SYNE2: variants seen among roughly 807,000 people sequenced by gnomAD.
SYNE2 encodes the protein nesprin-2.
SYNE2 carries 431 observed loss-of-function variants against 856.3 expected under a neutral mutation model. The ratio of observed to expected loss-of-function variants is 0.50; its 90% confidence interval spans 0.47 to 0.55. SYNE2 has a LOEUF of 0.55. Among genes scored for constraint, SYNE2 ranks in the 20% least tolerant of loss-of-function variants. The pLI, the probability that SYNE2 is intolerant of heterozygous loss-of-function variation, is 0.00. For synonymous variants in SYNE2, 2,923 were observed against 2,872.3 expected, an observed-to-expected ratio of 1.02 and a Z score of -0.56; for missense variants, 8,129 against 8,023.2, an observed-to-expected ratio of 1.01 and a Z score of -0.50.
At chr14:63,979,668 A>G (rs1207317982) in intron 14 of SYNE2, among the ~76,000 whole-genome samples, 1 of 152,208 alleles carries the variant, frequency 6.6e-6, no homozygotes. Context: ...ATCCCAACAC[A>G]TTGGGAGGCC....
At chr14:63,942,938 A>G (rs567350731) in intron 6 of SYNE2, among the ~76,000 whole-genome samples, 5 of 152,204 alleles carry the variant, frequency 3.3e-5, no homozygotes, top group South Asian at 4.1e-4. Flanking sequence ...TCCTGTTGCT[A>G]TTTTTCAATT....
intron 100 of SYNE2, among the ~76,000 whole-genome samples, chr14:64,206,681 G>A (rs2098606880): frequency 6.6e-6 from 1 of 151,730 alleles, no homozygotes; most frequent in Admixed American, 6.6e-5. Context: ...TTCAATGTAA[G>A]CTGAATAAAT....
At chr14:63,994,422 C>T (rs1401719454) in intron 22 of SYNE2, among the ~76,000 whole-genome samples, 3 of 152,070 alleles carry the variant, frequency 2.0e-5, no homozygotes, top group Non-Finnish European at 4.4e-5. Flanking sequence ...GTTAAGGATC[C>T]TCCTAAAACT....
intron 10 of SYNE2, among the ~76,000 whole-genome samples, chr14:63,966,718 C>T (rs1224258591): frequency 1.3e-5 from 2 of 151,876 alleles, no homozygotes; most frequent in African/African-American, 4.8e-5. Flanking sequence ...GTCACCATGC[C>T]TAGCTAATTT....
At chr14:63,960,445 C>A (rs1027555824) in intron 8 of SYNE2, among the ~76,000 whole-genome samples, 1 of 152,162 alleles carries the variant, frequency 6.6e-6, no homozygotes, top group African/African-American at 2.4e-5. Flanking sequence ...AGGCATCTAG[C>A]ATCTACTAGC....
chr14:63,978,971 A>G lies in SYNE2; in HGVS notation c.1526A>G (p.Tyr509Cys), dbSNP rs2096565424. 6.2e-7 allele frequency: 1 copy of G among 1,613,834 alleles called. No homozygotes were observed. The highest frequency in any genetic ancestry group is 1.3e-5 in the African/African-American group (1 of 74,930). Residue 509 changes from tyrosine (Y) to cysteine (C), a missense_variant, in exon 14 of 116, where the codon TAT becomes TGT. Around this residue, in one of 3 missense-constraint regions of SYNE2, gnomAD observed 2,422 missense variants for 2,357.4 expected, o/e 1.03. Transcript: ENST00000555002. ...KSKLDIWNIK[Y>C]GSRESVELLL... is the part of the protein sequence containing the mutation. ...AAATTGGATATTTGGAACATTAAAT[A>G]TGGGAGCAGAGAATCTGTGGAATTA... is the stretch of plus-strand genomic sequence containing the variant.
chr14:63,967,714 G>T lies in SYNE2; in HGVS notation c.996G>T (p.Leu332=). ...AAATACTCTTCTAATTGCAGAGCCTGCTGTCCTTTATGGAGTCATTCAATG... is the reference window on the plus strand; with the variant it reads ...AAATACTCTTCTAATTGCAGAGCCTTCTGTCCTTTATGGAGTCATTCAATG... ...NDTYFKKYNS[L]LSFMESFNEE... is the part of the protein sequence containing the mutation. The change falls in exon 11 of 116, where the codon CTG becomes CTT. Residue 332 remains leucine (L), a synonymous_variant. Transcript: ENST00000555002. 1 of 1,613,942 alleles carries T rather than the reference G, an allele frequency of 6.2e-7. No individual in the cohort carries two copies. Among genetic ancestry groups the T allele is most frequent in the South Asian group, 1.1e-5 (1 of 91,066 alleles).
intron 8 of SYNE2, among the ~76,000 whole-genome samples, chr14:63,959,979 A>C (rs1201206528): frequency 6.6e-6 from 1 of 152,248 alleles, no homozygotes; most frequent in Non-Finnish European, 1.5e-5. Flanking sequence ...TAGCTCAAAA[A>C]TGTGAAATGC....
intron 110 of SYNE2, 131 bp from the exon 111 acceptor site, chr14:64,220,306 C>T (rs1331959054): frequency 2.6e-5 from 26 of 1,008,090 alleles, no homozygotes; most frequent in Non-Finnish European, 3.0e-5. Flanking sequence ...CAGTCCCAGG[C>T]GAGGTCACTC....
chr14:64,114,307 G>T (rs372802758), intron 66 of SYNE2, among the ~76,000 whole-genome samples: 3 of 152,138 alleles, frequency 2.0e-5, no homozygotes, highest in Admixed American at 6.5e-5. Flanking sequence ...AGTGTCACAA[G>T]AGCAGGGGCA....
chr14:63,941,963 G>A lies in SYNE2; in HGVS notation c.315+1G>A, dbSNP rs2095923235. On this transcript the variant is annotated splice_donor_variant, in intron 5 of 115. Coordinates refer to ENST00000555002, the MANE Select transcript of SYNE2 (RefSeq NM_182914.3). LOFTEE classifies it high-confidence loss of function. ...CTTGACATTCCTAAGAAACCGATCA[G>A]TAAGTATAAATTTTTCTTAAAAATT... 1.9e-6 allele frequency: 3 copies of A among 1,611,570 alleles called. No individual in the cohort carries two copies. The highest frequency in any genetic ancestry group is 8.5e-7 in the Non-Finnish European group (1 of 1,178,900).
intron 2 of SYNE2, among the ~76,000 whole-genome samples, chr14:63,916,054 G>GT (rs1174639497): frequency 6.7e-6 from 1 of 150,272 alleles, no homozygotes; most frequent in Non-Finnish European, 1.5e-5. Context: ...GAAGCATGTA[G>GT]TCTAGATGTG....
intron 2 of SYNE2, among the ~76,000 whole-genome samples, chr14:63,922,946 T>C (rs1327240048): frequency 1.3e-5 from 2 of 152,228 alleles, no homozygotes; most frequent in African/African-American, 4.8e-5. Context: ...CTGGTTCTTT[T>C]GCACTCAGAA....
At chr14:63,829,307 C>T (rs1282168853) in intron 1 of SYNE2, among the ~76,000 whole-genome samples, 1 of 151,940 alleles carries the variant, frequency 6.6e-6, no homozygotes, top group Non-Finnish European at 1.5e-5. Context: ...GTACCAGCTA[C>T]TCGGGAGGCT....
intron 1 of SYNE2, among the ~76,000 whole-genome samples, chr14:63,846,043 CTTT>C (rs556866404): frequency 6.8e-5 from 9 of 132,474 alleles, no homozygotes; most frequent in African/African-American, 8.4e-5. Context: ...CGTACCTGCC[CTTT>C]TTTTTTTTTT....
intron 42 of SYNE2, among the ~76,000 whole-genome samples, 181 bp from the exon 43 acceptor site, chr14:64,027,301 TTC>T (rs369005322): frequency 1.1e-3 from 169 of 152,298 alleles, no homozygotes; most frequent in African/African-American, 4.0e-3. Flanking sequence ...CTCAAATAAT[TTC>T]TGTCTTGGTT....
chr14:63,995,512 G>C (rs2096706248), intron 23 of SYNE2, among the ~76,000 whole-genome samples: 1 of 152,080 alleles, frequency 6.6e-6, no homozygotes, highest in African/African-American at 2.4e-5. Flanking sequence ...GCTTTTGTCA[G>C]GACACAGTGT....
Position 64,186,289 on chromosome 14 carries a change from T to C in SYNE2, c.17557-135T>C. 5 of 1,145,756 alleles carry C rather than the reference T, an allele frequency of 4.4e-6. No individual in the cohort carries two copies. The South Asian group carries it at 6.3e-5, about 14-fold the overall frequency. 71.0% of individuals were successfully genotyped at this position (1,145,756 alleles called of 1,614,324 possible). A position where few individuals can be genotyped will look rare whatever the true frequency, so the allele number is the denominator to read the frequency against. ...CTGCAGGCGCTCGTCTTGGGCTGTT[T>C]CCCATTCAGAAGGTCCCTCCCTCTC... On this transcript the variant is annotated intron_variant, in intron 96 of 115. Coordinates refer to ENST00000555002, the MANE Select transcript of SYNE2 (RefSeq NM_182914.3).
intron 52 of SYNE2, among the ~76,000 whole-genome samples, chr14:64,072,725 G>A (rs1467788976): frequency 2.6e-5 from 4 of 152,016 alleles, no homozygotes; most frequent in African/African-American, 2.4e-5. Context: ...GGTCTCGAAC[G>A]CCTGACTTCA....
Sources: allele counts gnomAD v4.1 joint callset (sites outside exome capture counted in the v4.1 genomes callset), GRCh38; gene constraint gnomAD v4.1.1; regional missense constraint gnomAD v4.1.1; transcripts MANE v1.5; gene names NCBI Gene and HGNC (gene_info 2026-07-23, HGNC 2026-07-21).